The following CNNM1 variants were observed in gnomAD, a reference collection of about 807,000 sequenced individuals.
CNNM1 encodes the protein cyclin and CBS domain divalent metal cation transport mediator 1, also known as metal transporter CNNM1.
A neutral mutation model predicts 78.8 loss-of-function variants in CNNM1; 44 were observed. That is an observed-to-expected ratio of 0.56 (90% confidence interval 0.44 to 0.72). The LOEUF (loss-of-function observed/expected upper bound fraction) is 0.72, where lower values mean the gene tolerates loss of function less well. Among genes scored for constraint, CNNM1 ranks in the 30% least tolerant of loss-of-function variants. The probability of loss-of-function intolerance (pLI) is 0.00; values close to 1 mark genes in which losing one functional copy is unlikely to be tolerated. For missense variants in CNNM1, 1,101 were observed against 1,292.2 expected (o/e 0.85, Z 2.27); for synonymous variants, 584 against 581.5 (o/e 1.00, Z -0.06).
chr10:99,386,955 C>T (rs1351988748), intron 7 of CNNM1, among the ~76,000 whole-genome samples: 4 of 152,132 alleles, frequency 2.6e-5, no homozygotes, highest in African/African-American at 9.7e-5. Context: ...GATATTATGC[C>T]ATGTACCATT....
At chr10:99,389,776 G>A (rs901612592) in intron 9 of CNNM1, among the ~76,000 whole-genome samples, 5 of 152,092 alleles carry the variant, frequency 3.3e-5, no homozygotes, top group African/African-American at 7.2e-5. Flanking sequence ...CCAACACACC[G>A]CTCTGCCTTA....
chr10:99,390,235 C>T, intron 9 of CNNM1, 71 bp from the exon 10 acceptor site: 1 of 1,127,390 alleles, frequency 8.9e-7, no homozygotes, highest in Non-Finnish European at 1.3e-6. Context: ...TGTCATCACT[C>T]AGAATCACCC....
At chr10:99,337,936 G>A (rs953229173) in intron 1 of CNNM1, among the ~76,000 whole-genome samples, 5 of 152,186 alleles carry the variant, frequency 3.3e-5, no homozygotes, top group Non-Finnish European at 5.9e-5. Context: ...GAAAAGTGTT[G>A]CATCTATTGT....
intron 9 of CNNM1, 129 bp downstream of exon 9, chr10:99,388,430 T>C: frequency 9.8e-7 from 1 of 1,023,672 alleles, no homozygotes; most frequent in Non-Finnish European, 1.4e-6. Flanking sequence ...CCGACCTCCT[T>C]ACACAGCCAG....
At chr10:99,351,324 G>A (rs752570406) in intron 1 of CNNM1, among the ~76,000 whole-genome samples, 12 of 152,144 alleles carry the variant, frequency 7.9e-5, no homozygotes, top group South Asian at 2.1e-4. Context: ...CAAACCCAGC[G>A]TTGAATAGTC....
chr10:99,346,024 T>C (rs1259609942), intron 1 of CNNM1, among the ~76,000 whole-genome samples: 1 of 151,922 alleles, frequency 6.6e-6, no homozygotes. Context: ...TTATGAACAA[T>C]ACGTTTTGAC....
rs187260247 is a variant in CNNM1, at chr10:99,381,511, G to A, written c.2340+4293G>A. ...AATCCCAGCACTTTGGGAGGCTGAG[G>A]CAGGCAGATCACTTGAGGTCAGGAG... On this transcript the variant is annotated intron_variant, in intron 7 of 10. Transcript: ENST00000356713. Among the ~76,000 whole-genome samples, 460 of 152,184 alleles carry A rather than the reference G, an allele frequency of 3.0e-3. 2 individuals carry two copies. Among genetic ancestry groups the A allele is most frequent in the South Asian group, 5.6e-3 (27 of 4,822 alleles).
At chr10:99,332,545 G>A (rs535670968) in intron 1 of CNNM1, among the ~76,000 whole-genome samples, 1 of 151,504 alleles carries the variant, frequency 6.6e-6, no homozygotes, top group African/African-American at 2.4e-5. Context: ...AGAGAGGAAG[G>A]GAAGGAGGGA....
rs905276509 is a variant in CNNM1 at position 99,332,552 on chromosome 10, G to C, written c.1573+1592G>C. ...AAAGAGAGAGAGAGGAAGGGAAGGA[G>C]GGAGGGAGGGAGGGAAGGGAAAATT... On this transcript the variant is annotated intron_variant, in intron 1 of 10. Coordinates refer to ENST00000356713, the MANE Select transcript of CNNM1 (RefSeq NM_020348.3). Among the ~76,000 whole-genome samples the C allele has an allele frequency of 2.6e-5, 4 of 152,012 alleles. No individual in the cohort carries two copies. The South Asian group carries it at 6.2e-4, about 24-fold the overall frequency.
intron 6 of CNNM1, among the ~76,000 whole-genome samples, chr10:99,372,883 G>T (rs1330489056): frequency 6.6e-6 from 1 of 152,016 alleles, no homozygotes; most frequent in East Asian, 1.9e-4. Flanking sequence ...CTCGATCTTT[G>T]TAAGACAATT....
chr10:99,380,790 CAAA>C (rs11368296), intron 7 of CNNM1, among the ~76,000 whole-genome samples: 7 of 142,556 alleles, frequency 4.9e-5, no homozygotes, highest in Admixed American at 7.0e-5. Flanking sequence ...GACTCGGCCT[CAAA>C]AAAAAAAAAA....
chr10:99,391,378 A>C, intron 10 of CNNM1, 59 bp from the exon 11 acceptor site: 1 of 1,325,456 alleles, frequency 7.5e-7, no homozygotes, highest in South Asian at 1.2e-5. Context: ...CAGACTGCCA[A>C]GCAATTATGA....
At chr10:99,360,717 A>T in intron 2 of CNNM1, 118 bp from the exon 3 acceptor site, 1 of 1,276,408 alleles carries the variant, frequency 7.8e-7, no homozygotes, top group Non-Finnish European at 1.1e-6. Flanking sequence ...TGATATTGTG[A>T]TGTCACCCAT....
intron 1 of CNNM1, among the ~76,000 whole-genome samples, chr10:99,350,997 CT>C (rs1446285731): frequency 6.6e-6 from 1 of 152,182 alleles, no homozygotes; most frequent in East Asian, 1.9e-4. Flanking sequence ...CAAATGTCCC[CT>C]GGGGGGCAAA....
intron 7 of CNNM1, among the ~76,000 whole-genome samples, chr10:99,382,997 A>G (rs1011333332): frequency 6.6e-6 from 1 of 152,224 alleles, no homozygotes; most frequent in Non-Finnish European, 1.5e-5. Flanking sequence ...ATCTACTGCA[A>G]TGAAGAGGAA....
At chr10:99,367,008 A>G (rs1049353764) in intron 6 of CNNM1, among the ~76,000 whole-genome samples, 1 of 152,214 alleles carries the variant, frequency 6.6e-6, no homozygotes, top group East Asian at 1.9e-4. Context: ...TCAGAAGGAA[A>G]AAGAAATATT....
intron 2 of CNNM1, among the ~76,000 whole-genome samples, chr10:99,358,651 G>A (rs1335133611): frequency 6.6e-6 from 1 of 152,206 alleles, no homozygotes; most frequent in African/African-American, 2.4e-5. Flanking sequence ...GCAAAGACAA[G>A]CAAGAGAGTC....
At chr10:99,370,406 A>C (rs1892510) in intron 6 of CNNM1, among the ~76,000 whole-genome samples, 20,957 of 152,138 alleles carry the variant, frequency 0.14, 2,253 homozygotes, top group African/African-American at 0.29. Flanking sequence ...GGGAATGCCT[A>C]GTTTCTCCTT....
intron 1 of CNNM1, among the ~76,000 whole-genome samples, chr10:99,343,124 A>T (rs2030529307): frequency 6.6e-6 from 1 of 151,896 alleles, no homozygotes; most frequent in South Asian, 2.1e-4. Context: ...CACCACTCCC[A>T]GCTGATTTTT....
Sources: allele counts gnomAD v4.1 joint callset (sites outside exome capture counted in the v4.1 genomes callset), GRCh38; gene constraint gnomAD v4.1.1; transcripts MANE v1.5; gene names NCBI Gene and HGNC (gene_info 2026-07-23, HGNC 2026-07-21).